Variants in FILIP1 observed in about 807,000 individuals in gnomAD.
The protein encoded by FILIP1 is filamin-A-interacting protein 1.
A neutral mutation model predicts 102.1 loss-of-function variants in FILIP1; 61 were observed. That is an observed-to-expected ratio of 0.60 (90% CI 0.49 to 0.74). The LOEUF (loss-of-function observed/expected upper bound fraction) is 0.74. Ranked by LOEUF, FILIP1 falls within the 30% of genes least tolerant of loss-of-function variation. The pLI is 0.00. For synonymous variants in FILIP1, 491 were observed against 526.9 expected, an observed-to-expected ratio of 0.93 and a Z score of 0.93; for missense variants, 1,314 against 1,441.2, an observed-to-expected ratio of 0.91 and a Z score of 1.43.
At chr6:75,319,356 A>T (rs1294149271) in intron 4 of FILIP1, 1 of 627,190 alleles carries the variant, frequency 1.6e-6, no homozygotes, top group Non-Finnish European at 3.1e-6. Context: ...GCAGAACATG[A>T]AAAAGGCCGA....
chr6:75,340,057 C>T (rs1252382137), intron 4 of FILIP1, among the ~76,000 whole-genome samples: 1 of 151,908 alleles, frequency 6.6e-6, no homozygotes, highest in Admixed American at 6.6e-5. Flanking sequence ...CTTATGACCC[C>T]AGCAAAATAA....
downstream of FILIP1, among the ~76,000 whole-genome samples, chr6:75,307,565 T>C (rs1196335880): frequency 6.6e-6 from 1 of 152,218 alleles, no homozygotes; most frequent in Non-Finnish European, 1.5e-5. Context: ...TATGTGGCTA[T>C]GAAACACAAA....
intron 2 of FILIP1, among the ~76,000 whole-genome samples, chr6:75,390,061 TTTAA>T (rs1171292953): frequency 6.6e-6 from 1 of 152,172 alleles, no homozygotes; most frequent in Non-Finnish European, 1.5e-5. Context: ...GAGGTGGTTA[TTTAA>T]TTAGTCTGGG....
chr6:75,375,925 T>G (rs1203725228), intron 2 of FILIP1, among the ~76,000 whole-genome samples: 1 of 152,194 alleles, frequency 6.6e-6, no homozygotes, highest in Admixed American at 6.5e-5. Flanking sequence ...TTGAGGAATG[T>G]CACACTGTAT....
intron 4 of FILIP1, among the ~76,000 whole-genome samples, chr6:75,324,770 T>C (rs9352204): frequency 0.74 from 112,629 of 152,052 alleles, 42,360 homozygotes; most frequent in African/African-American, 0.88. Flanking sequence ...ATAGAGAACC[T>C]GGAAATAAAG....
intron 4 of FILIP1, among the ~76,000 whole-genome samples, chr6:75,316,399 G>A: frequency 6.6e-6 from 1 of 151,892 alleles, no homozygotes; most frequent in East Asian, 1.9e-4. Context: ...TTACTATTCT[G>A]ACTGATTAAT....
intron 1 of FILIP1, among the ~76,000 whole-genome samples, chr6:75,463,765 A>C (rs1277244835): frequency 6.6e-6 from 1 of 152,212 alleles, no homozygotes; most frequent in Non-Finnish European, 1.5e-5. Flanking sequence ...TAATACCTTT[A>C]GATTTCATGA....
chr6:75,329,145 G>A (rs1582353033), intron 4 of FILIP1, among the ~76,000 whole-genome samples: 1 of 152,282 alleles, frequency 6.6e-6, no homozygotes, highest in Middle Eastern at 3.4e-3. Flanking sequence ...TTTTTTTAAA[G>A]CTTATCCTAA....
At chr6:75,441,759 C>T (rs1357799110) in intron 1 of FILIP1, among the ~76,000 whole-genome samples, 1 of 147,134 alleles carries the variant, frequency 6.8e-6, no homozygotes, top group Non-Finnish European at 1.5e-5. Context: ...GGCAGAGGGG[C>T]TCCTCACTTC....
At chr6:75,446,943 C>T (rs968511660) in intron 1 of FILIP1, among the ~76,000 whole-genome samples, 2 of 152,108 alleles carry the variant, frequency 1.3e-5, no homozygotes, top group Non-Finnish European at 2.9e-5. Flanking sequence ...AACATCTTCT[C>T]TTTTTGGTTT....
At chr6:75,434,808 GATATT>G (rs2149712206) in intron 1 of FILIP1, among the ~76,000 whole-genome samples, 1 of 152,346 alleles carries the variant, frequency 6.6e-6, no homozygotes, top group South Asian at 2.1e-4. Context: ...CATGCAGTAT[GATATT>G]GGCTGTGGGT....
intron 2 of FILIP1, among the ~76,000 whole-genome samples, chr6:75,372,666 AAAG>A (rs1775573745): frequency 1.5e-5 from 1 of 66,798 alleles, no homozygotes; most frequent in Non-Finnish European, 2.9e-5. Context: ...AGAAAGAAAG[AAAG>A]AAAGAAAGAA....
Position 75,313,309 on chromosome 6 carries a change from C to A in FILIP1, c.2523G>T (p.Val841=), listed in dbSNP as rs1490769457. The stretch of plus-strand genomic sequence containing the variant: ...ATCTTTCCACGGGTTTCTTCAATCC[C>A]ACCTGCCGAAGATTACTCATAATAT... ...ENHIMSNLRQ[V]GLKKPVERSS... The change falls in exon 5 of 6, where the codon GTG becomes GTT. Residue 841 remains valine, a synonymous_variant. Transcript: ENST00000237172. The surrounding 1 kb of genome is among the most constrained non-coding windows in gnomAD (Gnocchi z 4.2). 1 of 1,614,080 alleles carries A rather than the reference C, an allele frequency of 6.2e-7. No homozygotes were observed. Among genetic ancestry groups the A allele is most frequent in the Non-Finnish European group, 8.5e-7 (1 of 1,180,050 alleles).
Position 75,403,524 on chromosome 6 carries a change from A to AAAAAAG in FILIP1, c.276+11172_276+11173insCTTTTT, listed in dbSNP as rs1554208659. Among the ~76,000 whole-genome samples the AAAAAAG allele has an allele frequency of 3.5e-4, 47 of 134,738 alleles. 6 individuals carry two copies. The South Asian group carries it at 3.9e-3, about 11-fold the overall frequency. The allele number at this position is 134,738 out of a possible 152,430, so 88.4% of individuals were successfully genotyped here. A position where few individuals can be genotyped will look rare whatever the true frequency, so the allele number is the denominator to read the frequency against. On this transcript the variant is annotated intron_variant, in intron 2 of 5. Coordinates refer to ENST00000237172, the MANE Select transcript of FILIP1 (RefSeq NM_015687.5). ...CAAGACTCTGTCCCACAAAAAAAAA[A>AAAAAAG]AAAAAAGAAAAAGAAAAAGAAATAT... is the stretch of plus-strand genomic sequence containing the variant.
chr6:75,312,749 T>C lies in FILIP1; in HGVS notation c.3083A>G (p.Gln1028Arg), dbSNP rs1773250906. Residue 1028 changes from glutamine (Q) to arginine (R), a missense_variant, in exon 5 of 6, where the codon CAG (glutamine) becomes CGG (arginine). Coordinates refer to ENST00000237172, the MANE Select transcript of FILIP1 (RefSeq NM_015687.5). ...PAEIAVSPESQEMPMGRTILK... is the reference protein window; with the variant it reads ...PAEIAVSPESREMPMGRTILK... ...GATTGTCCGTCCCATGGGCATTTCC[T>C]GGGATTCGGGAGAAACTGCAATCTC... 6.2e-7 allele frequency: 1 copy of C among 1,614,218 alleles called. No individual in the cohort carries two copies. The highest frequency in any genetic ancestry group is 8.5e-7 in the Non-Finnish European group (1 of 1,180,044).
chr6:75,342,221 G>A (rs944095156), intron 4 of FILIP1, among the ~76,000 whole-genome samples: 1 of 152,192 alleles, frequency 6.6e-6, no homozygotes, highest in African/African-American at 2.4e-5. Context: ...TGTAACTAGA[G>A]TAACCTAGAG....
intron 2 of FILIP1, among the ~76,000 whole-genome samples, chr6:75,406,357 T>C (rs1233410884): frequency 6.6e-6 from 1 of 152,220 alleles, no homozygotes; most frequent in African/African-American, 2.4e-5. Context: ...TTGGCCCCTA[T>C]GCTCATCTCT....
At chr6:75,294,204 G>A (rs1008581470) in exon 7 of FILIP1, 1 of 152,164 alleles carries the variant, frequency 6.6e-6, no homozygotes, top group Non-Finnish European at 1.5e-5. Context: ...CAGTTTGGAT[G>A]CCCGTGTGTG....
intron 1 of FILIP1, among the ~76,000 whole-genome samples, chr6:75,488,413 C>T (rs895595534): frequency 5.3e-5 from 8 of 151,412 alleles, no homozygotes; most frequent in African/African-American, 1.9e-4. Context: ...TCCCTTCTCT[C>T]ATTAGCTAAA....
Sources: allele counts gnomAD v4.1 joint callset (sites outside exome capture counted in the v4.1 genomes callset), GRCh38; gene constraint gnomAD v4.1.1; non-coding constraint Gnocchi (gnomAD v3.1); transcripts MANE v1.5; gene names NCBI Gene and HGNC (gene_info 2026-07-23, HGNC 2026-07-21).